The following PKHD1L1 variants were observed in gnomAD, a reference collection of about 807,000 sequenced individuals.
PKHD1L1 encodes PKHD1 like 1.
Under a neutral mutation model 462.9 loss-of-function variants are expected in PKHD1L1, and 434 were observed. The observed-to-expected ratio is 0.94, with a 90% CI of 0.87 to 1.02. The LOEUF (loss-of-function observed/expected upper bound fraction) is 1.02, where lower values mean the gene tolerates loss of function less well. Among genes scored for constraint, PKHD1L1 ranks in the 50% least tolerant of loss-of-function variants. The pLI is 0.00. For synonymous variants in PKHD1L1, 1,781 were observed against 1,750.0 expected (o/e 1.02, Z -0.44); for missense variants, 5,202 against 5,096.1 (o/e 1.02, Z -0.63).
intron 5 of PKHD1L1, among the ~76,000 whole-genome samples, chr8:109,384,885 T>C (rs894422428): frequency 6.6e-6 from 1 of 152,078 alleles, no homozygotes; most frequent in Non-Finnish European, 1.5e-5. Flanking sequence ...TAATTTAAAG[T>C]TATTCACCAT....
rs1446077065 is a variant in PKHD1L1 at position 109,522,319 on chromosome 8, T to TG, written c.12166dup (p.Asp4056GlyfsTer6). ...TTACTAATCCCCTCCCCAGCCCAAG[T>TG]GACTCTGGGTGGATTAAGGTAAGAA... On this transcript the variant is annotated frameshift_variant, in exon 74 of 78. Transcript: ENST00000378402. LOFTEE classifies it high-confidence loss of function. 2 of 1,588,908 alleles carry TG rather than the reference T, an allele frequency of 1.3e-6. No homozygotes were observed. The highest frequency in any genetic ancestry group is 1.7e-6 in the Non-Finnish European group (2 of 1,170,454).
intron 21 of PKHD1L1, among the ~76,000 whole-genome samples, chr8:109,415,435 T>C (rs1814097858): frequency 6.6e-6 from 1 of 152,216 alleles, no homozygotes; most frequent in Non-Finnish European, 1.5e-5. Flanking sequence ...TTAAGAACTA[T>C]CTTTTAGAGG....
chr8:109,410,557 G>A (rs1362828251), intron 19 of PKHD1L1, among the ~76,000 whole-genome samples: 2 of 151,798 alleles, frequency 1.3e-5, no homozygotes, highest in African/African-American at 2.4e-5. Flanking sequence ...AGCACCGATG[G>A]GATGGTGCTA....
intron 50 of PKHD1L1, chr8:109,470,160 T>A: frequency 1.5e-6 from 1 of 660,208 alleles, no homozygotes; most frequent in Non-Finnish European, 2.6e-6. Flanking sequence ...CCCAAAAATA[T>A]TTGGATGAAG....
chr8:109,443,617 A>G, intron 36 of PKHD1L1, 59 bp from the exon 37 acceptor site: 1 of 1,318,368 alleles, frequency 7.6e-7, no homozygotes, highest in Non-Finnish European at 1.0e-6. Flanking sequence ...CGCAGTTTGA[A>G]AACAGTTATC....
chr8:109,390,331 T>C, intron 8 of PKHD1L1, 121 bp from the exon 9 acceptor site: 1 of 485,988 alleles, frequency 2.1e-6, no homozygotes, highest in Non-Finnish European at 3.5e-6. Context: ...AATATAAAAT[T>C]GGATAAATAC....
At chr8:109,374,995 T>C (rs202165667) in intron 2 of PKHD1L1, among the ~76,000 whole-genome samples, 4 of 152,150 alleles carry the variant, frequency 2.6e-5, no homozygotes, top group Admixed American at 6.5e-5. Flanking sequence ...TTGCTCTTCT[T>C]GAGGAGTATC....
chr8:109,438,868 G>T (rs1253553046), intron 31 of PKHD1L1, 29 bp from the exon 32 acceptor site: 2 of 1,480,808 alleles, frequency 1.4e-6, no homozygotes, highest in Admixed American at 2.2e-5. Flanking sequence ...TGAACTTTTT[G>T]CATTATTTTT....
chr8:109,410,105 A>G, intron 19 of PKHD1L1, 127 bp downstream of exon 19: 3 of 541,736 alleles, frequency 5.5e-6, no homozygotes, highest in Non-Finnish European at 9.5e-6. Flanking sequence ...TGCAAAAATG[A>G]CTTTGTTATA....
At chr8:109,385,414 G>A in intron 5 of PKHD1L1, 123 bp from the exon 6 acceptor site, 1 of 555,952 alleles carries the variant, frequency 1.8e-6, no homozygotes. Flanking sequence ...AACAATAGTG[G>A]CAAACATGAG....
intron 72 of PKHD1L1, 78 bp from the exon 73 acceptor site, chr8:109,518,085 TCAAA>T: frequency 9.9e-6 from 9 of 909,584 alleles, no homozygotes; most frequent in African/African-American, 1.7e-5. Context: ...CTTTCTAAAT[TCAAA>T]CAAACATTAA....
At chr8:109,370,500 T>A (rs1811447172) in intron 2 of PKHD1L1, among the ~76,000 whole-genome samples, 1 of 151,656 alleles carries the variant, frequency 6.6e-6, no homozygotes. Flanking sequence ...TTTTATTTTT[T>A]ATTTTTTTAA....
Position 109,381,514 on chromosome 8 carries a change from G to A in PKHD1L1, c.308G>A (p.Arg103Lys). The A allele has an allele frequency of 6.4e-7, 1 of 1,559,522 alleles. No homozygotes were observed. Among genetic ancestry groups the A allele is most frequent in the South Asian group, 1.2e-5 (1 of 85,368 alleles). The change falls in exon 3 of 78, where the codon AGA becomes AAA. Residue 103 changes from arginine (R) to lysine (K), a missense_variant and splice_region_variant. By Grantham distance (26) the Arg-to-Lys change is conservative. Around this residue, in one of 3 missense-constraint regions of PKHD1L1, gnomAD observed 4,497 missense variants for 4,336.8 expected, o/e 1.04. Coordinates refer to ENST00000378402, the MANE Select transcript of PKHD1L1 (RefSeq NM_177531.6). Reference protein sequence around the residue: ...SHSTQITCYTRAMPEDSYTVR... With the variant: ...SHSTQITCYTKAMPEDSYTVR... ...TCAACTCAAATTACATGCTATACTAGGTCTGTTTTAAAGTATCTTTAATAA... is the reference window on the plus strand; with the variant it reads ...TCAACTCAAATTACATGCTATACTAAGTCTGTTTTAAAGTATCTTTAATAA...
chr8:109,447,043 G>C (rs1459746829), intron 38 of PKHD1L1, among the ~76,000 whole-genome samples: 2 of 152,064 alleles, frequency 1.3e-5, no homozygotes, highest in African/African-American at 2.4e-5. Flanking sequence ...GGGCAACATG[G>C]TGAACCCCGT....
chr8:109,486,271 T>C (rs1177264380), intron 58 of PKHD1L1, among the ~76,000 whole-genome samples: 1 of 151,964 alleles, frequency 6.6e-6, no homozygotes, highest in Non-Finnish European at 1.5e-5. Flanking sequence ...CAAATTCTTT[T>C]ACTTCTCTAC....
At chr8:109,451,286 C>A in intron 41 of PKHD1L1, 137 bp downstream of exon 41, 1 of 905,060 alleles carries the variant, frequency 1.1e-6, no homozygotes, top group Non-Finnish European at 1.6e-6. Context: ...AAGCTTAAGG[C>A]AAAAATAGTA....
chr8:109,519,772 A>G (rs1331285879), intron 73 of PKHD1L1, among the ~76,000 whole-genome samples: 1 of 152,126 alleles, frequency 6.6e-6, no homozygotes. Context: ...TTATTATGAA[A>G]GCTACAAAGG....
At chr8:109,427,578 T>C (rs1017645788) in intron 25 of PKHD1L1, among the ~76,000 whole-genome samples, 1 of 152,098 alleles carries the variant, frequency 6.6e-6, no homozygotes, top group Admixed American at 6.5e-5. Flanking sequence ...GTTATAAAGA[T>C]GATTTTTTCC....
At chr8:109,490,855 T>G in intron 60 of PKHD1L1, 117 bp from the exon 61 acceptor site, 3 of 856,706 alleles carry the variant, frequency 3.5e-6, no homozygotes, top group Non-Finnish European at 4.9e-6. Flanking sequence ...TAAGAGAAAG[T>G]GAATTGAGTA....
Sources: gnomAD v4.1 joint callset for allele counts (sites outside exome capture counted in the v4.1 genomes callset) on GRCh38, gnomAD v4.1.1 for gene constraint, gnomAD v4.1.1 regional missense constraint, MANE v1.5 for transcripts, NCBI Gene and HGNC (gene_info 2026-07-23, HGNC 2026-07-21) for gene names.